The following NTN1 variants were observed in gnomAD, a reference collection of about 807,000 sequenced individuals.
NTN1 encodes the protein netrin 1, also known as netrin-1.
A neutral mutation model predicts 54.2 loss-of-function variants in NTN1; 11 were observed. The observed-to-expected ratio is 0.20, with a 90% confidence interval of 0.13 to 0.34. The LOEUF (loss-of-function observed/expected upper bound fraction) is 0.34. NTN1 is among the 10% of genes least tolerant of loss of function. The pLI, the probability that NTN1 is intolerant of heterozygous loss-of-function variation, is 1.00. For synonymous variants in NTN1, 371 were observed against 382.0 expected, an observed-to-expected ratio of 0.97 and a Z score of 0.33; for missense variants, 740 against 893.1, an observed-to-expected ratio of 0.83 and a Z score of 2.18.
At chr17:9,210,689 C>G (rs1373980309) in intron 5 of NTN1, among the ~76,000 whole-genome samples, 1 of 152,046 alleles carries the variant, frequency 6.6e-6, no homozygotes, top group Non-Finnish European at 1.5e-5. Flanking sequence ...AGCGGATCAC[C>G]TGAGCTCAGG....
At chr17:9,078,473 C>T (rs772142517) in intron 2 of NTN1, among the ~76,000 whole-genome samples, 5 of 152,174 alleles carry the variant, frequency 3.3e-5, no homozygotes, top group South Asian at 2.1e-4. Context: ...CTCTGGCTCC[C>T]GACTGCATTT....
chr17:9,025,115 G>A (rs1050393094), intron 2 of NTN1, among the ~76,000 whole-genome samples: 1 of 152,214 alleles, frequency 6.6e-6, no homozygotes, highest in African/African-American at 2.4e-5. Context: ...TTGGACAAAT[G>A]CAAGTGAATA....
intron 2 of NTN1, among the ~76,000 whole-genome samples, chr17:9,120,345 C>G (rs1028939556): frequency 5.3e-5 from 8 of 151,180 alleles, no homozygotes; most frequent in South Asian, 4.2e-4. Flanking sequence ...TGCTGTGCAA[C>G]TTACTATTAG....
chr17:9,065,785 A>G (rs1207762310), intron 2 of NTN1, among the ~76,000 whole-genome samples: 2 of 152,258 alleles, frequency 1.3e-5, no homozygotes, highest in African/African-American at 4.8e-5. Context: ...TTAGGGAAGT[A>G]TGTAGAAACT....
chr17:9,209,281 AC>A (rs1338593737), intron 5 of NTN1, among the ~76,000 whole-genome samples: 1 of 152,190 alleles, frequency 6.6e-6, no homozygotes, highest in Non-Finnish European at 1.5e-5. Flanking sequence ...GTAGATTTCC[AC>A]TTACGTCCTG....
intron 2 of NTN1, among the ~76,000 whole-genome samples, chr17:9,079,048 C>T (rs1337297592): frequency 6.6e-6 from 1 of 152,226 alleles, no homozygotes; most frequent in African/African-American, 2.4e-5. Context: ...ACTCCACATC[C>T]AGCCTTGGGT....
chr17:9,197,321 A>G (rs1357024701), intron 5 of NTN1, among the ~76,000 whole-genome samples: 1 of 152,066 alleles, frequency 6.6e-6, no homozygotes, highest in East Asian at 1.9e-4. Context: ...ATGGAGTGAC[A>G]CAGAGGCTTA....
chr17:9,108,259 AC>A (rs1235127608), intron 2 of NTN1, among the ~76,000 whole-genome samples: 3 of 152,198 alleles, frequency 2.0e-5, no homozygotes, highest in African/African-American at 7.2e-5. Flanking sequence ...CAAGGCTGCT[AC>A]AATCAGGAAG....
At chr17:9,038,208 A>ACT (rs55729025) in intron 2 of NTN1, among the ~76,000 whole-genome samples, 84,895 of 147,622 alleles carry the variant, frequency 0.58, 24,825 homozygotes, top group East Asian at 0.71. Context: ...TGTCTATCGG[A>ACT]CTCTCTCTCT....
At position 9,022,708 on chromosome 17, in the gene NTN1, A is replaced by G. The variant is rs1410799994; in HGVS notation, c.335A>G (p.Asn112Ser). ...AHPPAFLTDLNNPHNLTCWQS... is the reference protein window; with the variant it reads ...AHPPAFLTDLSNPHNLTCWQS... Reference sequence around the variant, plus strand: ...CCGCCCGCCTTCCTCACCGACCTCAACAACCCGCACAACCTGACGTGCTGG... The same window carrying G: ...CCGCCCGCCTTCCTCACCGACCTCAGCAACCCGCACAACCTGACGTGCTGG... Residue 112 changes from asparagine to serine, a missense_variant, in exon 2 of 7, where the codon AAC becomes AGC. Transcript: ENST00000173229. 2.5e-6 allele frequency: 4 copies of G among 1,601,148 alleles called. No individual in the cohort carries two copies. Among genetic ancestry groups the G allele is most frequent in the African/African-American group, 2.7e-5 (2 of 74,344 alleles).
At chr17:9,066,303 A>G (rs1004017777) in intron 2 of NTN1, among the ~76,000 whole-genome samples, 19 of 152,218 alleles carry the variant, frequency 1.2e-4, no homozygotes, top group Non-Finnish European at 2.6e-4. Context: ...ATAAGCTTCC[A>G]TTGGTTACTT....
intron 5 of NTN1, among the ~76,000 whole-genome samples, chr17:9,217,490 T>G (rs1905240487): frequency 6.6e-6 from 1 of 152,024 alleles, no homozygotes; most frequent in African/African-American, 2.4e-5. Context: ...ATTTTAAAGG[T>G]GTGGTTTGTC....
At chr17:9,138,064 C>T (rs1226634205) in intron 2 of NTN1, among the ~76,000 whole-genome samples, 4 of 152,172 alleles carry the variant, frequency 2.6e-5, no homozygotes, top group Non-Finnish European at 4.4e-5. Context: ...GAGGTGAGAG[C>T]GGGCCTCTGA....
At chr17:9,204,286 C>T (rs1229385988) in intron 5 of NTN1, among the ~76,000 whole-genome samples, 20 of 141,942 alleles carry the variant, frequency 1.4e-4, no homozygotes, top group African/African-American at 5.8e-4. Flanking sequence ...CTTTCTCTAT[C>T]TCTTTCTCTC....
chr17:9,073,903 T>C (rs1022998039), intron 2 of NTN1, among the ~76,000 whole-genome samples: 3 of 152,226 alleles, frequency 2.0e-5, no homozygotes, highest in African/African-American at 4.8e-5. Context: ...GTGGCTGTTT[T>C]CCTGGGCTGT....
In NTN1 at chr17:9,135,264, G is replaced by A. The variant is rs1381905234; in HGVS notation, c.1019-27549G>A. 1.3e-5 allele frequency among the ~76,000 whole-genome samples: 2 copies of A among 152,070 alleles called. No individual in the cohort carries two copies. Among genetic ancestry groups the A allele is most frequent in the Admixed American group, 6.6e-5 (1 of 15,266 alleles). On this transcript the variant is annotated intron_variant, in intron 2 of 6. Transcript: ENST00000173229. This position sits in a 1 kb window ranked among gnomAD's most constrained non-coding sequence, Gnocchi z 4.4. Reference sequence around the variant, plus strand: ...CACTGTTCTGCTGGAAAGTGTCTGAGAGCAGCTGCCACCTGGGTCTGAATG... The same window carrying A: ...CACTGTTCTGCTGGAAAGTGTCTGAAAGCAGCTGCCACCTGGGTCTGAATG...
At chr17:9,089,022 GAGGC>G (rs2092099411) in intron 2 of NTN1, among the ~76,000 whole-genome samples, 1 of 152,156 alleles carries the variant, frequency 6.6e-6, no homozygotes. Context: ...GACTGTTGTG[GAGGC>G]AGGACCCCCA....
rs1906279763 is a variant in NTN1, at chr17:9,243,150, C to A, written c.*3182C>A. On this transcript the variant is annotated 3_prime_UTR_variant, in exon 7 of 7. Coordinates refer to ENST00000173229, the MANE Select transcript of NTN1 (RefSeq NM_004822.3). ...TTTGCGGGGGAGGACATAGGGCTGT[C>A]CCCGGGATTCACCTGCTGGCTGTGG... The A allele has an allele frequency of 6.6e-6, 1 of 152,174 alleles. No homozygotes were observed. Among genetic ancestry groups the A allele is most frequent in the South Asian group, 2.1e-4 (1 of 4,820 alleles). The allele number at this position is 152,174 out of a possible 1,614,324, so 9.4% of individuals were successfully genotyped here. A position where few individuals can be genotyped will look rare whatever the true frequency, so the allele number is the denominator to read the frequency against.
At chr17:9,107,343 G>T (rs2092170749) in intron 2 of NTN1, among the ~76,000 whole-genome samples, 2 of 152,348 alleles carry the variant, frequency 1.3e-5, no homozygotes, top group South Asian at 4.1e-4. Flanking sequence ...ACCTCAGTCA[G>T]TTGAGAGAAA....
Sources: gnomAD v4.1 joint callset for allele counts (sites outside exome capture counted in the v4.1 genomes callset) on GRCh38, gnomAD v4.1.1 for gene constraint, Gnocchi (gnomAD v3.1) non-coding constraint, MANE v1.5 for transcripts, NCBI Gene and HGNC (gene_info 2026-07-23, HGNC 2026-07-21) for gene names.